The following MGMT variants were observed in gnomAD, a reference collection of about 807,000 sequenced individuals.
The protein encoded by MGMT is methylated-DNA--protein-cysteine methyltransferase.
In MGMT, 14 loss-of-function variants were observed where a neutral mutation model predicts 15.9. The observed-to-expected ratio is 0.88, with a 90% CI of 0.58 to 1.37. The LOEUF is 1.37. MGMT is among the 40% of genes most tolerant of loss of function. The pLI, the probability that MGMT is intolerant of heterozygous loss-of-function variation, is 0.00. For missense variants in MGMT, 282 were observed against 268.1 expected (o/e 1.05, Z -0.36); for synonymous variants, 130 against 118.2 (o/e 1.10, Z -0.65).
At chr10:129,629,726 G>A (rs1196306222) in intron 2 of MGMT, among the ~76,000 whole-genome samples, 1 of 152,170 alleles carries the variant, frequency 6.6e-6, no homozygotes, top group East Asian at 1.9e-4. Context: ...CATGATCTCA[G>A]CTTAATCCCA....
In MGMT at chr10:129,533,678, G is replaced by A. The variant is rs1845956444; in HGVS notation, c.-12-2563G>A. Among the ~76,000 whole-genome samples the A allele has an allele frequency of 6.6e-6, 1 of 152,142 alleles. No individual in the cohort carries two copies. The highest frequency in any genetic ancestry group is 6.5e-5 in the Admixed American group (1 of 15,280). The stretch of plus-strand genomic sequence containing the variant: ...GCTTGGCCTGGATGGTGGTCACACT[G>A]GTAATTCAGTTCCACAAGTATTTTA... On this transcript the variant is annotated intron_variant, in intron 1 of 4. Coordinates refer to ENST00000651593, the MANE Select transcript of MGMT (RefSeq NM_002412.5). The surrounding 1 kb of genome is among the most constrained non-coding windows in gnomAD (Gnocchi z 4.5).
intron 2 of MGMT, among the ~76,000 whole-genome samples, chr10:129,650,405 G>T (rs539990056): frequency 6.6e-6 from 1 of 152,342 alleles, no homozygotes; most frequent in East Asian, 1.9e-4. Flanking sequence ...GCCCTTGCTG[G>T]CCAGGGTGCT....
intron 2 of MGMT, among the ~76,000 whole-genome samples, chr10:129,609,360 A>C (rs1000618810): frequency 4.1e-5 from 6 of 147,318 alleles, no homozygotes; most frequent in African/African-American, 7.6e-5. Context: ...TGGAGGTGGA[A>C]TCTCTGGCCC....
chr10:129,764,666 G>C (rs1276734933), intron 4 of MGMT, among the ~76,000 whole-genome samples: 2 of 152,238 alleles, frequency 1.3e-5, no homozygotes, highest in Non-Finnish European at 1.5e-5. Context: ...GTTGAGCTGG[G>C]GATACGCTCA....
chr10:129,579,633 A>C (rs1370680347), intron 2 of MGMT, among the ~76,000 whole-genome samples: 3 of 152,198 alleles, frequency 2.0e-5, no homozygotes, highest in Non-Finnish European at 4.4e-5. Flanking sequence ...TTTAAAGGCG[A>C]CACATGGAAC....
rs994764376 is a variant in MGMT at position 129,770,522 on chromosome 10, C to T, written c.*3525C>T. ...TTGCTCACCTTGGCTGTCCATGCAC[C>T]CGTAGCTGTGACCATGGGCGGTGGC... On this transcript the variant is annotated 3_prime_UTR_variant, in exon 5 of 5. Coordinates refer to ENST00000651593, the MANE Select transcript of MGMT (RefSeq NM_002412.5). Among the ~76,000 whole-genome samples, 4 of 152,336 alleles carry T rather than the reference C, an allele frequency of 2.6e-5. No individual in the cohort carries two copies. Among genetic ancestry groups the T allele is most frequent in the Admixed American group, 6.5e-5 (1 of 15,312 alleles).
At chr10:129,667,063 G>A (rs550435937) in intron 2 of MGMT, among the ~76,000 whole-genome samples, 22 of 152,278 alleles carry the variant, frequency 1.4e-4, no homozygotes, top group African/African-American at 3.1e-4. Flanking sequence ...TGTTTGAAGC[G>A]TCACCCATTG....
intron 2 of MGMT, among the ~76,000 whole-genome samples, chr10:129,554,331 C>CT (rs1218457042): frequency 7.9e-5 from 12 of 151,604 alleles, no homozygotes; most frequent in South Asian, 2.1e-4. Context: ...TTCCTTCTAG[C>CT]TTTTTTTTTG....
chr10:129,540,371 C>A (rs941120239), intron 2 of MGMT, among the ~76,000 whole-genome samples: 1 of 152,108 alleles, frequency 6.6e-6, no homozygotes, highest in Non-Finnish European at 1.5e-5. Context: ...GCTTTAATTT[C>A]TTCTATTGAG....
chr10:129,757,721 G>C (rs1038944326), intron 3 of MGMT, among the ~76,000 whole-genome samples: 6 of 152,206 alleles, frequency 3.9e-5, no homozygotes, highest in African/African-American at 1.2e-4. Flanking sequence ...AGAAATGACA[G>C]TAAACAGTGC....
chr10:129,640,730 A>G (rs569995402), intron 2 of MGMT, among the ~76,000 whole-genome samples: 1 of 152,338 alleles, frequency 6.6e-6, no homozygotes, highest in African/African-American at 2.4e-5. Flanking sequence ...AATATTACCA[A>G]CTTGAAACCA....
At chr10:129,638,342 G>A (rs1047388120) in intron 2 of MGMT, among the ~76,000 whole-genome samples, 7 of 144,600 alleles carry the variant, frequency 4.8e-5, no homozygotes, top group Non-Finnish European at 9.1e-5. Context: ...GGAAGAAGTA[G>A]TTGAAGAAAT....
rs530372116 is a variant in MGMT at position 129,563,483 on chromosome 10, GTATT to G, written c.125+27109_125+27112del. Among the ~76,000 whole-genome samples, 535 of 152,254 alleles carry G rather than the reference GTATT, an allele frequency of 3.5e-3. 1 individual carries two copies. The highest frequency in any genetic ancestry group is 5.9e-3 in the Non-Finnish European group (403 of 68,026). On this transcript the variant is annotated intron_variant, in intron 2 of 4. Coordinates refer to ENST00000651593, the MANE Select transcript of MGMT (RefSeq NM_002412.5). ...CCTACATTCATATACTCCCATTCAT[GTATT>G]TAACAATTCTTTACTGCTGTAAGAT...
intron 2 of MGMT, among the ~76,000 whole-genome samples, chr10:129,618,578 T>C (rs1029525633): frequency 9.9e-5 from 15 of 152,174 alleles, no homozygotes; most frequent in African/African-American, 3.6e-4. Flanking sequence ...TATAGATCTA[T>C]TTGCAGAGAT....
chr10:129,667,548 G>A (rs1847673315), intron 2 of MGMT, among the ~76,000 whole-genome samples: 1 of 152,108 alleles, frequency 6.6e-6, no homozygotes, highest in African/African-American at 2.4e-5. Context: ...TTTGGTAGTT[G>A]GAATTTTCAT....
At chr10:129,569,519 C>T (rs1210432147) in intron 2 of MGMT, among the ~76,000 whole-genome samples, 2 of 152,140 alleles carry the variant, frequency 1.3e-5, no homozygotes, top group Non-Finnish European at 2.9e-5. Context: ...TGGGACGGCC[C>T]CTGCTGTTGC....
chr10:129,617,444 C>T (rs891194474), intron 2 of MGMT, among the ~76,000 whole-genome samples: 1 of 151,786 alleles, frequency 6.6e-6, no homozygotes, highest in African/African-American at 2.4e-5. Context: ...GGGTGTGTGC[C>T]CAATAATAGG....
chr10:129,639,961 A>G (rs994283306), intron 2 of MGMT, among the ~76,000 whole-genome samples: 39 of 151,882 alleles, frequency 2.6e-4, no homozygotes, highest in Admixed American at 5.2e-4. Context: ...AAAAAAAAAA[A>G]AGAGAGTGAA....
chr10:129,681,765 A>G (rs1228538979), intron 2 of MGMT, among the ~76,000 whole-genome samples: 1 of 152,158 alleles, frequency 6.6e-6, no homozygotes, highest in African/African-American at 2.4e-5. Context: ...GTAGGTGCAG[A>G]TTTTTGTATC....
Sources: allele counts gnomAD v4.1 joint callset (sites outside exome capture counted in the v4.1 genomes callset), GRCh38; gene constraint gnomAD v4.1.1; non-coding constraint Gnocchi (gnomAD v3.1); transcripts MANE v1.5; gene names NCBI Gene and HGNC (gene_info 2026-07-23, HGNC 2026-07-21).